BORCS5: variants seen among roughly 807,000 people sequenced by gnomAD.
The protein encoded by BORCS5 is BLOC-1-related complex subunit 5.
Under a neutral mutation model 22.1 loss-of-function variants are expected in BORCS5, and 17 were observed. The observed-to-expected ratio is 0.77, with a 90% CI of 0.53 to 1.15. The LOEUF (loss-of-function observed/expected upper bound fraction) is 1.15, where lower values mean the gene tolerates loss of function less well. BORCS5 is among the 50% of genes most tolerant of loss of function. The pLI is 0.00. For missense variants in BORCS5, 247 were observed against 253.2 expected, an observed-to-expected ratio of 0.98 and a Z score of 0.17; for synonymous variants, 117 against 99.8, an observed-to-expected ratio of 1.17 and a Z score of -1.03.
chr12:12,360,916 T>C (rs1185691661), intron 1 of BORCS5, among the ~76,000 whole-genome samples: 1 of 152,166 alleles, frequency 6.6e-6, no homozygotes, highest in Non-Finnish European at 1.5e-5. Context: ...AGACAGGGTT[T>C]CGCCATGTTG....
At position 12,428,629 on chromosome 12, in the gene BORCS5, ATT is replaced by A. The variant is rs201512051; in HGVS notation, c.203-6997_203-6996del. On this transcript the variant is annotated intron_variant, in intron 2 of 3. Transcript: ENST00000314565. ...GTTGCTTAACTGTAAGGAACATGTA[ATT>A]TAGAAACTTCTTCTCTTTAACATGG... 5.3e-5 allele frequency among the ~76,000 whole-genome samples: 8 copies of A among 152,332 alleles called. No homozygotes were observed. The East Asian group carries it at 1.5e-3, about 29-fold the overall frequency.
rs1942240595 is a variant in BORCS5, at chr12:12,424,917, G to T, written c.203-10711G>T. Among the ~76,000 whole-genome samples, 5 of 152,220 alleles carry T rather than the reference G, an allele frequency of 3.3e-5. No individual in the cohort carries two copies. In the South Asian group the frequency reaches 1.0e-3, roughly 32 times the overall value. Reference sequence around the variant, plus strand: ...GGGAAAAAGAAAAAAGTGAAGGAGGGTGAAAAAAATGCTGCCCCCTTTAAT... The same window carrying T: ...GGGAAAAAGAAAAAAGTGAAGGAGGTTGAAAAAAATGCTGCCCCCTTTAAT... On this transcript the variant is annotated intron_variant, in intron 2 of 3. Coordinates refer to ENST00000314565, the MANE Select transcript of BORCS5 (RefSeq NM_058169.6).
At chr12:12,427,471 C>T (rs4390432) in intron 2 of BORCS5, among the ~76,000 whole-genome samples, 78,220 of 151,962 alleles carry the variant, frequency 0.51, 20,669 homozygotes, top group African/African-American at 0.62. Flanking sequence ...TGAGCCACCG[C>T]GCCCGGCCAG....
At chr12:12,384,258 A>G (rs1190836645) in intron 2 of BORCS5, among the ~76,000 whole-genome samples, 1 of 151,076 alleles carries the variant, frequency 6.6e-6, no homozygotes, top group Non-Finnish European at 1.5e-5. Flanking sequence ...CTGGGATTAC[A>G]GGTGTGAGCC....
intron 2 of BORCS5, among the ~76,000 whole-genome samples, chr12:12,415,519 C>T (rs1348492575): frequency 4.1e-5 from 4 of 96,770 alleles, no homozygotes; most frequent in Non-Finnish European, 7.8e-5. Context: ...AGCTTTGGCT[C>T]GGCATCAGAG....
At chr12:12,366,873 T>C (rs1863417751) in intron 2 of BORCS5, among the ~76,000 whole-genome samples, 1 of 152,246 alleles carries the variant, frequency 6.6e-6, no homozygotes, top group African/African-American at 2.4e-5. Flanking sequence ...CCAACCGATC[T>C]GTCATTTTTG....
At chr12:12,433,637 T>G (rs186264432) in intron 2 of BORCS5, among the ~76,000 whole-genome samples, 1 of 152,328 alleles carries the variant, frequency 6.6e-6, no homozygotes, top group Non-Finnish European at 1.5e-5. Context: ...AATAAAAATT[T>G]CAATTAAAAA....
intron 2 of BORCS5, among the ~76,000 whole-genome samples, chr12:12,413,945 A>C (rs1592101508): frequency 1.4e-4 from 4 of 29,498 alleles, no homozygotes; most frequent in Admixed American, 6.2e-4. Context: ...TGACCCCCCC[A>C]CCTCCCTCCC....
chr12:12,371,604 A>G (rs1289672598), intron 2 of BORCS5, among the ~76,000 whole-genome samples: 2 of 152,074 alleles, frequency 1.3e-5, no homozygotes, highest in Non-Finnish European at 2.9e-5. Flanking sequence ...TATATTTTCT[A>G]TATATTGAAA....
intron 2 of BORCS5, among the ~76,000 whole-genome samples, chr12:12,431,403 C>CT (rs386375632): frequency 0.21 from 25,032 of 120,266 alleles, 4,001 homozygotes; most frequent in African/African-American, 0.39. Context: ...TTTGCTAATT[C>CT]TTTTTTTTTT....
chr12:12,418,523 A>G lies in BORCS5; in HGVS notation c.203-17105A>G, dbSNP rs1487288149. The stretch of plus-strand genomic sequence containing the variant: ...AACATAGTTAGACCCCCATCTCTAC[A>G]AAAAAATTTAAAAATTAGCCAGGTG... On this transcript the variant is annotated intron_variant, in intron 2 of 3. Coordinates refer to ENST00000314565, the MANE Select transcript of BORCS5 (RefSeq NM_058169.6). 3.9e-5 allele frequency among the ~76,000 whole-genome samples: 6 copies of G among 152,176 alleles called. No homozygotes were observed. The South Asian group carries it at 1.0e-3, about 26-fold the overall frequency.
intron 2 of BORCS5, among the ~76,000 whole-genome samples, chr12:12,370,993 C>T (rs573907471): frequency 1.3e-5 from 2 of 152,306 alleles, no homozygotes; most frequent in South Asian, 4.1e-4. Context: ...TTGTGATCCG[C>T]CCACCTCGGC....
At chr12:12,386,630 T>TGCCACGATGCCCG in intron 2 of BORCS5, among the ~76,000 whole-genome samples, 1 of 149,010 alleles carries the variant, frequency 6.7e-6, no homozygotes, top group South Asian at 2.1e-4. Flanking sequence ...TACAGGCACG[T>TGCCACGATGCCCG]GCTAGTTTTT....
intron 3 of BORCS5, among the ~76,000 whole-genome samples, chr12:12,451,243 A>C (rs1942902544): frequency 6.6e-6 from 1 of 152,120 alleles, no homozygotes; most frequent in African/African-American, 2.4e-5. Context: ...TTATTGCTAA[A>C]GTAGGTATCA....
At chr12:12,360,636 C>G (rs564669044) in intron 1 of BORCS5, among the ~76,000 whole-genome samples, 6 of 144,920 alleles carry the variant, frequency 4.1e-5, no homozygotes, top group African/African-American at 1.6e-4. Flanking sequence ...GTCTTGAACT[C>G]CTGGACTCTG....
rs566513800 is a variant in BORCS5 at position 12,399,822 on chromosome 12, C to T, written c.203-35806C>T. Among the ~76,000 whole-genome samples, 91 of 152,336 alleles carry T rather than the reference C, an allele frequency of 6.0e-4. 1 individual carries two copies. The South Asian group carries it at 6.4e-3, about 11-fold the overall frequency. Reference sequence around the variant, plus strand: ...CTGTCACCAGTTGTTTCCGTCATGACTTCTAAGTCTCAGCAGCCATTTTCC... The same window carrying T: ...CTGTCACCAGTTGTTTCCGTCATGATTTCTAAGTCTCAGCAGCCATTTTCC... On this transcript the variant is annotated intron_variant, in intron 2 of 3. Transcript: ENST00000314565.
chr12:12,416,574 C>G (rs954024423), intron 2 of BORCS5, among the ~76,000 whole-genome samples: 2 of 151,818 alleles, frequency 1.3e-5, no homozygotes, highest in African/African-American at 4.8e-5. Flanking sequence ...CTCCCAGTAA[C>G]TGAGACTACA....
intron 2 of BORCS5, among the ~76,000 whole-genome samples, chr12:12,412,322 A>G (rs1021349894): frequency 1.3e-5 from 2 of 151,848 alleles, no homozygotes; most frequent in African/African-American, 2.4e-5. Context: ...TTTTTATTGT[A>G]CAAGTCTTTC....
chr12:12,425,783 C>A (rs1397993560), intron 2 of BORCS5, among the ~76,000 whole-genome samples: 1 of 152,158 alleles, frequency 6.6e-6, no homozygotes, highest in East Asian at 1.9e-4. Flanking sequence ...GAGATCATTT[C>A]TTTGCTATTT....
Sources: gnomAD v4.1 joint callset for allele counts (sites outside exome capture counted in the v4.1 genomes callset) on GRCh38, gnomAD v4.1.1 for gene constraint, MANE v1.5 for transcripts, NCBI Gene and HGNC (gene_info 2026-07-23, HGNC 2026-07-21) for gene names.